Variants in DACH2 observed in about 807,000 individuals in gnomAD.
The protein encoded by DACH2 is dachshund family transcription factor 2.
Under a neutral mutation model 35.8 loss-of-function variants are expected in DACH2, and 17 were observed. That is an observed-to-expected ratio of 0.48 (90% CI 0.33 to 0.71). The LOEUF (loss-of-function observed/expected upper bound fraction) is 0.71. DACH2 is among the 30% of genes least tolerant of loss of function. DACH2 has a pLI of 0.02. For missense variants in DACH2, 469 were observed against 472.7 expected, an observed-to-expected ratio of 0.99 and a Z score of 0.07; for synonymous variants, 195 against 177.3, an observed-to-expected ratio of 1.10 and a Z score of -0.79.
chrX:86,337,591 A>T (rs1364976398), intron 1 of DACH2, among the ~76,000 whole-genome samples: 1 of 112,397 alleles, frequency 8.9e-6, no homozygotes, highest in Non-Finnish European at 1.9e-5. Flanking sequence ...ACAACTGGCA[A>T]CAGCCAGTGC....
chrX:86,743,631 A>G (rs1048588907), intron 7 of DACH2, among the ~76,000 whole-genome samples: 2 of 111,380 alleles, frequency 1.8e-5, no homozygotes, highest in Non-Finnish European at 3.8e-5. Context: ...CTTCATAATT[A>G]CCTAGATGAG....
At chrX:86,160,197 T>C (rs1393592500) in intron 1 of DACH2, 2 of 1,131,221 alleles carry the variant, frequency 1.8e-6, no homozygotes, top group Non-Finnish European at 2.4e-6. Flanking sequence ...CCACCACTGA[T>C]TAAGACTAGG....
intron 1 of DACH2, among the ~76,000 whole-genome samples, chrX:86,357,769 T>A (rs2035666802): frequency 8.9e-6 from 1 of 112,535 alleles, no homozygotes; most frequent in East Asian, 2.8e-4. Context: ...ACACGTGTGC[T>A]TGATCAAATG....
chrX:86,724,604 C>A (rs1452643247), intron 6 of DACH2, among the ~76,000 whole-genome samples: 1 of 111,470 alleles, frequency 9.0e-6, no homozygotes, highest in Non-Finnish European at 1.9e-5. Context: ...ATGTTTTTCT[C>A]TTTCTGATTT....
chrX:86,623,684 CAA>C (rs1014552429), intron 3 of DACH2, among the ~76,000 whole-genome samples: 2 of 111,454 alleles, frequency 1.8e-5, no homozygotes, highest in Admixed American at 9.5e-5. Flanking sequence ...ACTGGAAAGG[CAA>C]AGAGTTAGAG....
At chrX:86,470,344 T>G (rs1001346756) in intron 2 of DACH2, among the ~76,000 whole-genome samples, 4 of 111,396 alleles carry the variant, frequency 3.6e-5, no homozygotes, top group Non-Finnish European at 7.6e-5. Flanking sequence ...TATGATAGAG[T>G]TTTACAATGG....
At chrX:86,296,828 G>C (rs1268468425) in intron 1 of DACH2, among the ~76,000 whole-genome samples, 2 of 110,000 alleles carry the variant, frequency 1.8e-5, no homozygotes, top group Non-Finnish European at 3.8e-5. Context: ...TCCAGGTTGT[G>C]GGGGGCATGT....
chrX:86,382,878 C>T (rs922425354), intron 2 of DACH2, among the ~76,000 whole-genome samples: 2 of 110,938 alleles, frequency 1.8e-5, no homozygotes, highest in African/African-American at 6.5e-5. Flanking sequence ...CCTAGAGAAT[C>T]CCACGTAAGT....
intron 2 of DACH2, among the ~76,000 whole-genome samples, chrX:86,450,165 C>G (rs1039164122): frequency 1.8e-5 from 2 of 110,633 alleles, no homozygotes; most frequent in Non-Finnish European, 3.8e-5. Flanking sequence ...ACAGATCATT[C>G]CATCGCCTAG....
intron 11 of DACH2, among the ~76,000 whole-genome samples, chrX:86,816,356 T>A (rs914654906): frequency 8.9e-6 from 1 of 111,793 alleles, no homozygotes; most frequent in Admixed American, 9.6e-5. Flanking sequence ...TGTGAGCAAA[T>A]ACATGTAGCT....
intron 1 of DACH2, among the ~76,000 whole-genome samples, chrX:86,360,633 A>C (rs2035723863): frequency 9.0e-6 from 1 of 111,122 alleles, no homozygotes; most frequent in African/African-American, 3.3e-5. Context: ...CCTGCAGCTA[A>C]TGTACATTCC....
At chrX:86,336,128 A>G (rs1312555492) in intron 1 of DACH2, among the ~76,000 whole-genome samples, 1 of 111,351 alleles carries the variant, frequency 9.0e-6, no homozygotes, top group Non-Finnish European at 1.9e-5. Flanking sequence ...AAGCTTTTTG[A>G]TGTGCTGTTG....
intron 2 of DACH2, among the ~76,000 whole-genome samples, chrX:86,409,113 A>G (rs2036569638): frequency 9.0e-6 from 1 of 111,572 alleles, no homozygotes; most frequent in Admixed American, 9.6e-5. Flanking sequence ...TTGAGTAGAG[A>G]GAATTAATCA....
At chrX:86,590,467 T>C (rs1198517767) in intron 3 of DACH2, among the ~76,000 whole-genome samples, 3 of 111,962 alleles carry the variant, frequency 2.7e-5, no homozygotes, top group Non-Finnish European at 5.6e-5. Flanking sequence ...CATTCACTTA[T>C]TGAAGGACAT....
intron 1 of DACH2, among the ~76,000 whole-genome samples, chrX:86,226,161 A>G (rs2032819223): frequency 8.9e-6 from 1 of 111,928 alleles, no homozygotes; most frequent in South Asian, 3.7e-4. Flanking sequence ...AGGACTGTTC[A>G]GAAGTTTTCC....
intron 7 of DACH2, among the ~76,000 whole-genome samples, chrX:86,803,368 G>A (rs183955375): frequency 3.9e-4 from 43 of 111,425 alleles, no homozygotes; most frequent in African/African-American, 1.2e-3. Context: ...GCTATTTTTC[G>A]AAATTGTAAA....
At chrX:86,203,377 G>A (rs2032204941) in intron 1 of DACH2, among the ~76,000 whole-genome samples, 1 of 111,565 alleles carries the variant, frequency 9.0e-6, no homozygotes, top group Non-Finnish European at 1.9e-5. Flanking sequence ...TGAGAATGCT[G>A]ATGCTTAAAA....
intron 3 of DACH2, among the ~76,000 whole-genome samples, chrX:86,515,877 A>G (rs933768752): frequency 8.9e-6 from 1 of 112,656 alleles, no homozygotes; most frequent in African/African-American, 3.2e-5. Flanking sequence ...ATCCGTTGCT[A>G]CTGTCCAAAG....
At chrX:86,546,404 C>CTTCTTCCTTCTTCTTCCTT (rs774988785) in intron 3 of DACH2, among the ~76,000 whole-genome samples, 2 of 21,677 alleles carry the variant, frequency 9.2e-5, no homozygotes, top group African/African-American at 1.2e-4. Context: ...TCTTCTTCTT[C>CTTCTTCCTTCTTCTTCCTT]CTTCTTCTTC....
Sources: gnomAD v4.1 joint callset for allele counts (sites outside exome capture counted in the v4.1 genomes callset) on GRCh38, gnomAD v4.1.1 for gene constraint, MANE v1.5 for transcripts, NCBI Gene and HGNC (gene_info 2026-07-23, HGNC 2026-07-21) for gene names.